The following CACNA1E variants were observed in gnomAD, a reference collection of about 807,000 sequenced individuals.
CACNA1E encodes calcium voltage-gated channel subunit alpha1 E.
In CACNA1E, 40 loss-of-function variants were observed where a neutral mutation model predicts 259.2. That is an observed-to-expected ratio of 0.15 (90% CI 0.12 to 0.20). CACNA1E has a LOEUF of 0.20. CACNA1E is among the 10% of genes least tolerant of loss of function. The pLI, the probability that CACNA1E is intolerant of heterozygous loss-of-function variation, is 1.00. For synonymous variants in CACNA1E, 1,104 were observed against 1,138.5 expected, an observed-to-expected ratio of 0.97 and a Z score of 0.61; for missense variants, 1,874 against 3,040.1, an observed-to-expected ratio of 0.62 and a Z score of 9.02.
intron 1 of CACNA1E, among the ~76,000 whole-genome samples, chr1:181,399,617 G>A (rs3911578): frequency 0.42 from 63,135 of 152,070 alleles, 13,308 homozygotes; most frequent in Admixed American, 0.48. Flanking sequence ...GACTGTGGAG[G>A]GAATGTGATC....
intron 1 of CACNA1E, among the ~76,000 whole-genome samples, chr1:181,508,147 T>TTGTGTGTG (rs55742094): frequency 0.033 from 4,914 of 148,896 alleles, 136 homozygotes; most frequent in East Asian, 0.13. Context: ...CCCAAACGCC[T>TTGTGTGTG]TGTGTGTGTG....
chr1:181,404,458 T>G (rs1357229445), intron 1 of CACNA1E, among the ~76,000 whole-genome samples: 1 of 152,210 alleles, frequency 6.6e-6, no homozygotes, highest in Non-Finnish European at 1.5e-5. Context: ...TTGTTCTCAA[T>G]GAATTCTTTG....
chr1:181,395,297 G>A (rs1462273141), intron 1 of CACNA1E, among the ~76,000 whole-genome samples: 1 of 152,192 alleles, frequency 6.6e-6, no homozygotes, highest in East Asian at 1.9e-4. Context: ...GAAGGACAGA[G>A]CTGCCGTCAA....
chr1:181,574,713 T>C (rs1650774319), intron 3 of CACNA1E, among the ~76,000 whole-genome samples: 1 of 152,148 alleles, frequency 6.6e-6, no homozygotes, highest in Admixed American at 6.5e-5. Context: ...TATTTTCCTT[T>C]ATTGTCTTTT....
intron 2 of CACNA1E, among the ~76,000 whole-genome samples, chr1:181,452,596 A>T (rs1661226955): frequency 6.6e-6 from 1 of 152,144 alleles, no homozygotes; most frequent in African/African-American, 2.4e-5. Flanking sequence ...CCAGTTTTCT[A>T]TGTCAGCCTG....
At chr1:181,751,040 C>A (rs1164371977) in intron 26 of CACNA1E, among the ~76,000 whole-genome samples, 2 of 152,152 alleles carry the variant, frequency 1.3e-5, no homozygotes, top group African/African-American at 4.8e-5. Flanking sequence ...GGAAGCCTTG[C>A]AGTTCCCACC....
At chr1:181,700,094 G>C (rs975085863) in intron 7 of CACNA1E, among the ~76,000 whole-genome samples, 1 of 152,142 alleles carries the variant, frequency 6.6e-6, no homozygotes, top group African/African-American at 2.4e-5. Flanking sequence ...TAGAAGAGAG[G>C]ACCTATGCCT....
intron 25 of CACNA1E, among the ~76,000 whole-genome samples, chr1:181,741,952 CTCT>C (rs778510387): frequency 6.6e-6 from 1 of 152,180 alleles, no homozygotes; most frequent in Non-Finnish European, 1.5e-5. Flanking sequence ...CTTGAACTCT[CTCT>C]TCATTTTCTC....
chr1:181,345,606 A>G (rs1402544225), intron 1 of CACNA1E, among the ~76,000 whole-genome samples: 2 of 152,048 alleles, frequency 1.3e-5, no homozygotes, highest in African/African-American at 4.8e-5. Context: ...CGGAGAGGAG[A>G]CATAGATGAA....
In CACNA1E at chr1:181,641,030, C is replaced by T. The variant is rs150201949; in HGVS notation, c.952-10308C>T. On this transcript the variant is annotated intron_variant, in intron 6 of 47. Coordinates refer to ENST00000367573, the MANE Select transcript of CACNA1E (RefSeq NM_001205293.3). ...ATGCCTGAGTGCAGCACTTAATGTT[C>T]TGTTTTCTATTATAGGTATTTGTAC... is the stretch of plus-strand genomic sequence containing the variant. Among the ~76,000 whole-genome samples, 438 of 152,292 alleles carry T rather than the reference C, an allele frequency of 2.9e-3. 2 individuals carry two copies. Among genetic ancestry groups the T allele is most frequent in the African/African-American group, 0.01 (417 of 41,558 alleles).
At chr1:181,764,482 C>T (rs1011277908) in intron 34 of CACNA1E, among the ~76,000 whole-genome samples, 5 of 152,180 alleles carry the variant, frequency 3.3e-5, no homozygotes, top group African/African-American at 9.7e-5. Context: ...CATGGTTTCT[C>T]ATCACTTGGA....
At chr1:181,357,441 G>T (rs1653535822) in intron 1 of CACNA1E, among the ~76,000 whole-genome samples, 1 of 152,206 alleles carries the variant, frequency 6.6e-6, no homozygotes, top group Admixed American at 6.5e-5. Flanking sequence ...AGTGAACAGG[G>T]CTGGACCCTC....
chr1:181,426,137 T>G (rs1260969253), intron 2 of CACNA1E, among the ~76,000 whole-genome samples: 1 of 151,960 alleles, frequency 6.6e-6, no homozygotes, highest in Non-Finnish European at 1.5e-5. Flanking sequence ...ACACCCAGCT[T>G]GGGTGCACTG....
At chr1:181,670,990 T>G (rs918179224) in intron 7 of CACNA1E, among the ~76,000 whole-genome samples, 1 of 152,234 alleles carries the variant, frequency 6.6e-6, no homozygotes, top group African/African-American at 2.4e-5. Flanking sequence ...AAATACTTCT[T>G]TGATCACTTA....
rs149286293 is a variant in CACNA1E at position 181,469,385 on chromosome 1, G to A, written c.435-14359G>A. Among the ~76,000 whole-genome samples the A allele has an allele frequency of 1.2e-3, 183 of 152,300 alleles. 1 individual carries two copies. The highest frequency in any genetic ancestry group is 3.7e-3 in the African/African-American group (152 of 41,560). Reference sequence around the variant, plus strand: ...CAAAGTTTTGTGCCCGAGTTAGGGGGAGACTGCAATGCTGCAAACAGCATT... The same window carrying A: ...CAAAGTTTTGTGCCCGAGTTAGGGGAAGACTGCAATGCTGCAAACAGCATT... On this transcript the variant is annotated intron_variant, in intron 2 of 11. Coordinates refer to the CACNA1E transcript ENST00000524607.
intron 1 of CACNA1E, among the ~76,000 whole-genome samples, chr1:181,318,746 G>A (rs1465272504): frequency 1.3e-5 from 2 of 152,240 alleles, no homozygotes; most frequent in African/African-American, 2.4e-5. Flanking sequence ...CGGGACTGCT[G>A]TAGGGTGGAC....
chr1:181,553,371 G>A (rs1440741212), intron 3 of CACNA1E, among the ~76,000 whole-genome samples: 1 of 152,178 alleles, frequency 6.6e-6, no homozygotes, highest in African/African-American at 2.4e-5. Context: ...AGACTTTACT[G>A]AAGTTGCTTA....
At position 181,758,135 on chromosome 1, in the gene CACNA1E, C is replaced by T; in HGVS notation, c.4494+24C>T. ...AGGTGAGAGGAGAGAGGCACAAGAG[C>T]CGACTGAGCCCCAGCGATGGTTCCC... is the stretch of plus-strand genomic sequence containing the variant. On this transcript the variant is annotated intron_variant, in intron 31 of 47. Transcript: ENST00000367573. This position sits in a 1 kb window ranked among gnomAD's most constrained non-coding sequence, Gnocchi z 4.2. The T allele has an allele frequency of 6.2e-7, 1 of 1,607,006 alleles. No homozygotes were observed. The highest frequency in any genetic ancestry group is 1.8e-4 in the Middle Eastern group (1 of 5,416).
chr1:181,496,662 G>A (rs1159066084), intron 1 of CACNA1E, among the ~76,000 whole-genome samples: 1 of 152,140 alleles, frequency 6.6e-6, no homozygotes, highest in African/African-American at 2.4e-5. Context: ...CTTGGTGAAG[G>A]TCCTCTGCTA....
Sources: allele counts gnomAD v4.1 joint callset (sites outside exome capture counted in the v4.1 genomes callset), GRCh38; gene constraint gnomAD v4.1.1; non-coding constraint Gnocchi (gnomAD v3.1); transcripts MANE v1.5; gene names NCBI Gene and HGNC (gene_info 2026-07-23, HGNC 2026-07-21).